GOLGA6L26: variants seen among roughly 807,000 people sequenced by gnomAD.
GOLGA6L26 encodes golgin A6 family like 26.
At chr15:23,334,092 G>T in the GOLGA6L26 span, 4 of 771,220 alleles carry the variant, frequency 5.2e-6, no homozygotes, top group Non-Finnish European at 7.3e-6. Flanking sequence ...GTGGGGATGG[G>T]TAGGGAGGTG....
the GOLGA6L26 span, chr15:23,334,028 C>T: frequency 1.4e-5 from 5 of 352,370 alleles, no homozygotes; most frequent in East Asian, 9.8e-5. Flanking sequence ...GTTCCTTGGC[C>T]TCGGCCAATT....
the GOLGA6L26 span, chr15:23,334,015 C>T: frequency 1.3e-5 from 4 of 307,380 alleles, no homozygotes; most frequent in Admixed American, 2.4e-4. Flanking sequence ...GGTGCGTTTA[C>T]CTGTTCCTTG....
the GOLGA6L26 span, chr15:23,327,819 C>T: frequency 2.3e-5 from 1 of 44,218 alleles, no homozygotes; most frequent in East Asian, 2.8e-4. Context: ...TCCTCCTTCT[C>T]CCACATCATC....
chr15:23,327,778 G>A, the GOLGA6L26 span: 3 of 29,940 alleles, frequency 1.0e-4, no homozygotes, highest in South Asian at 2.9e-4. Flanking sequence ...TCTCCTGCTC[G>A]TGCATCTTCT....
the GOLGA6L26 span, chr15:23,327,468 G>A: frequency 5.0e-4 from 166 of 334,410 alleles, 12 homozygotes; most frequent in Middle Eastern, 3.9e-3. Flanking sequence ...TCCTGCTTCC[G>A]TATCTTCTCC....
the GOLGA6L26 span, chr15:23,327,448 C>A: frequency 2.5e-6 from 1 of 406,116 alleles, no homozygotes; most frequent in Admixed American, 4.2e-5. Context: ...CCTGCCTCCA[C>A]ACCTTCTCCT....
At chr15:23,334,075 T>A in the GOLGA6L26 span, 1 of 530,658 alleles carries the variant, frequency 1.9e-6, no homozygotes. Context: ...ATAGGATGGG[T>A]AGGGAGGTGG....
the GOLGA6L26 span, chr15:23,327,426 G>T: frequency 2.4e-6 from 1 of 422,984 alleles, no homozygotes; most frequent in Non-Finnish European, 4.1e-6. Context: ...TCCTGGTCGT[G>T]CATCTTCTCC....
At chr15:23,331,267 G>GT in the GOLGA6L26 span, 1 of 599,904 alleles carries the variant, frequency 1.7e-6, no homozygotes, top group Non-Finnish European at 2.9e-6. Context: ...CATGGGACCA[G>GT]TTTATCAGGG....
chr15:23,327,231 G>A, the GOLGA6L26 span: 2 of 230,116 alleles, frequency 8.7e-6, no homozygotes, highest in Non-Finnish European at 7.5e-6. Context: ...ATCTTCTCCT[G>A]TTCTTGCATC....
chr15:23,327,302 A>T, the GOLGA6L26 span: 2 of 731,458 alleles, frequency 2.7e-6, no homozygotes, highest in South Asian at 3.4e-5. Flanking sequence ...CTGCTCTCGT[A>T]TCTTCTCCTC....
the GOLGA6L26 span, chr15:23,327,475 C>T: frequency 2.4e-5 from 9 of 367,828 alleles, no homozygotes; most frequent in Admixed American, 9.5e-5. Flanking sequence ...TCCGTATCTT[C>T]TCCTGCTCGT....
At chr15:23,327,777 C>T in the GOLGA6L26 span, 3 of 72,640 alleles carry the variant, frequency 4.1e-5, no homozygotes, top group East Asian at 2.8e-4. Flanking sequence ...TTCTCCTGCT[C>T]GTGCATCTTC....
At chr15:23,331,529 G>C in the GOLGA6L26 span, among the ~76,000 whole-genome samples, 1 of 127,224 alleles carries the variant, frequency 7.9e-6, no homozygotes, top group African/African-American at 2.8e-5. Context: ...CAGGGGCCAG[G>C]AATGGATTTA....
At chr15:23,331,441 G>A in the GOLGA6L26 span, among the ~76,000 whole-genome samples, 4 of 137,298 alleles carry the variant, frequency 2.9e-5, no homozygotes, top group African/African-American at 1.0e-4. Context: ...CGGTTCTATT[G>A]TTTCTGTGGG....
chr15:23,327,657 G>T, the GOLGA6L26 span: 2 of 200,072 alleles, frequency 1.0e-5, no homozygotes, highest in Non-Finnish European at 1.7e-5. Flanking sequence ...TTCTCTTCCT[G>T]CTCCCGTATC....
At chr15:23,328,788 AC>A in the GOLGA6L26 span, 1 of 141,588 alleles carries the variant, frequency 7.1e-6, no homozygotes, top group South Asian at 3.7e-5. Context: ...GTCTCCCACA[AC>A]CCCCGGGGCT....
the GOLGA6L26 span, chr15:23,327,484 G>A: frequency 2.6e-5 from 8 of 309,168 alleles, 3 homozygotes; most frequent in Non-Finnish European, 2.8e-5. Flanking sequence ...TCTCCTGCTC[G>A]TGCATCTTCT....
chr15:23,328,963 GA>G, the GOLGA6L26 span: 105 of 168,660 alleles, frequency 6.2e-4, no homozygotes, highest in Admixed American at 3.0e-3. Context: ...GCTATGGCCA[GA>G]GGCAGTAGAG....
Sources: gnomAD v4.1 joint callset for allele counts (sites outside exome capture counted in the v4.1 genomes callset) on GRCh38, gnomAD v4.1.1 for gene constraint, MANE v1.5 for transcripts, NCBI Gene and HGNC (gene_info 2026-07-23, HGNC 2026-07-21) for gene names.